Variants in PTPRA observed in about 807,000 individuals in gnomAD.
PTPRA encodes the protein receptor-type tyrosine-protein phosphatase alpha.
Under a neutral mutation model 104.8 loss-of-function variants are expected in PTPRA, and 25 were observed. That is an observed-to-expected ratio of 0.24 (90% confidence interval 0.17 to 0.33). The LOEUF is 0.33. PTPRA is among the 10% of genes least tolerant of loss of function. PTPRA has a pLI of 1.00. For missense variants in PTPRA, 765 were observed against 1,015.3 expected, an observed-to-expected ratio of 0.75 and a Z score of 3.35; for synonymous variants, 323 against 368.9, an observed-to-expected ratio of 0.88 and a Z score of 1.43.
At chr20:2,899,223 C>T (rs75592212) in intron 1 of PTPRA, among the ~76,000 whole-genome samples, 2,357 of 152,116 alleles carry the variant, frequency 0.015, 124 homozygotes, top group Admixed American at 0.09. Context: ...ATAGTCCTAG[C>T]TAGAGTGAGA....
At chr20:2,906,352 T>C (rs1008967770) in intron 1 of PTPRA, among the ~76,000 whole-genome samples, 15 of 152,174 alleles carry the variant, frequency 9.9e-5, no homozygotes, top group South Asian at 2.1e-4. Flanking sequence ...CAGAAGGAGA[T>C]AGAGGACAAG....
At position 2,963,588 on chromosome 20, in the gene PTPRA, C is replaced by A. The variant is rs6037440; in HGVS notation, c.-6-684C>A. Reference sequence around the variant, plus strand: ...CAGCCCGGGCGACAGTGCAAGACTCCGTCTCAAAAAAAAATAAAAAAGGAG... The same window carrying A: ...CAGCCCGGGCGACAGTGCAAGACTCAGTCTCAAAAAAAAATAAAAAAGGAG... On this transcript the variant is annotated intron_variant, in intron 3 of 23. Transcript: ENST00000399903. 8.6e-5 allele frequency among the ~76,000 whole-genome samples: 13 copies of A among 151,430 alleles called. 1 individual carries two copies. Among genetic ancestry groups the A allele is most frequent in the African/African-American group, 3.2e-4 (13 of 41,260 alleles).
At chr20:2,894,037 T>C (rs2058898360) in intron 1 of PTPRA, among the ~76,000 whole-genome samples, 1 of 152,244 alleles carries the variant, frequency 6.6e-6, no homozygotes, top group Admixed American at 6.5e-5. Flanking sequence ...ATGGTGGAGA[T>C]AATGACATGG....
At chr20:2,948,218 T>C (rs1380802034) in intron 3 of PTPRA, among the ~76,000 whole-genome samples, 194 bp downstream of exon 3, 1 of 152,188 alleles carries the variant, frequency 6.6e-6, no homozygotes, top group Non-Finnish European at 1.5e-5. Flanking sequence ...TATGTGTTGA[T>C]TTTTCAAGGA....
intron 1 of PTPRA, among the ~76,000 whole-genome samples, chr20:2,887,041 C>G (rs2090431369): frequency 6.6e-6 from 1 of 151,990 alleles, no homozygotes; most frequent in Non-Finnish European, 1.5e-5. Flanking sequence ...GTGCTTCTTC[C>G]TTTGGATTCA....
chr20:2,864,767 C>T, the PTPRA span: 2 of 1,246,424 alleles, frequency 1.6e-6, no homozygotes, highest in Non-Finnish European at 2.3e-6. The surrounding 1 kb of genome is among the most constrained non-coding windows in gnomAD (Gnocchi z 5.2). Context: ...ATCTGGTCCT[C>T]ACTGTGAGGG....
At chr20:2,877,131 A>C (rs949297427) in intron 1 of PTPRA, among the ~76,000 whole-genome samples, 2 of 152,196 alleles carry the variant, frequency 1.3e-5, no homozygotes, top group Non-Finnish European at 1.5e-5. Flanking sequence ...ATGGAAAAAA[A>C]TGAGATGCAG....
At chr20:2,912,381 T>C (rs1044666292) in intron 1 of PTPRA, among the ~76,000 whole-genome samples, 55 of 151,894 alleles carry the variant, frequency 3.6e-4, no homozygotes, top group African/African-American at 1.2e-3. Context: ...CCTAGCACTT[T>C]GGGAGGCCGA....
At chr20:2,949,291 G>A (rs1346725112) in intron 3 of PTPRA, among the ~76,000 whole-genome samples, 1 of 150,282 alleles carries the variant, frequency 6.7e-6, no homozygotes, top group Non-Finnish European at 1.5e-5. Flanking sequence ...ACTTCCTATG[G>A]ATTCTTGTAG....
intron 7 of PTPRA, 171 bp from the exon 8 acceptor site, chr20:2,987,861 G>A (rs973472950): frequency 2.0e-5 from 15 of 751,452 alleles, no homozygotes; most frequent in South Asian, 2.7e-5. Flanking sequence ...CGAGGTACTC[G>A]GTCACCCCAG....
At chr20:2,864,582 C>T in the PTPRA span, 1 of 1,614,012 alleles carries the variant, frequency 6.2e-7, no homozygotes, top group African/African-American at 1.3e-5. The surrounding 1 kb of genome is among the most constrained non-coding windows in gnomAD (Gnocchi z 5.2). Context: ...CGCTGAAGGA[C>T]CTTTACAATC....
intron 2 of PTPRA, among the ~76,000 whole-genome samples, chr20:2,929,919 A>G (rs1568657873): frequency 2.0e-5 from 3 of 152,188 alleles, no homozygotes; most frequent in Non-Finnish European, 4.4e-5. Flanking sequence ...AAGAAAAGGA[A>G]ATTTGTACAC....
chr20:2,898,228 C>G (rs1351513576), intron 1 of PTPRA, among the ~76,000 whole-genome samples: 1 of 151,998 alleles, frequency 6.6e-6, no homozygotes, highest in African/African-American at 2.4e-5. Context: ...TCCAGGCATG[C>G]GCCACCATGC....
At chr20:2,864,205 G>T in the PTPRA span, 1 of 1,614,186 alleles carries the variant, frequency 6.2e-7, no homozygotes, top group Non-Finnish European at 8.5e-7. The surrounding 1 kb of genome is among the most constrained non-coding windows in gnomAD (Gnocchi z 5.2). Flanking sequence ...CACGCTCAGG[G>T]GAGCAGGTAC....
Position 3,022,192 on chromosome 20 carries a change from T to C in PTPRA, c.1300T>C (p.Tyr434His), listed in dbSNP as rs778537235. 6.2e-7 allele frequency: 1 copy of C among 1,614,178 alleles called. No individual in the cohort carries two copies. The highest frequency in any genetic ancestry group is 8.5e-7 in the Non-Finnish European group (1 of 1,180,028). ...LKKVKACNPQYAGAIVVHCSA... is the reference protein window; with the variant it reads ...LKKVKACNPQHAGAIVVHCSA... ...GAAGGTGAAGGCCTGTAACCCTCAG[T>C]ATGCAGGGGCCATCGTGGTCCACTG... Residue 434 changes from tyrosine (Y) to histidine (H), a missense_variant, in exon 15 of 24, where the codon TAT (tyrosine) becomes CAT (histidine). Transcript: ENST00000399903. This position sits in a 1 kb window ranked among gnomAD's most constrained non-coding sequence, Gnocchi z 4.6.
rs769774102 is a variant in PTPRA at position 3,022,685 on chromosome 20, A to T, written c.1329-4A>T. The stretch of plus-strand genomic sequence containing the variant: ...CCCTATAACCCCCTGCTCTCTGGCT[A>T]CAGTGCAGGTGTAGGGCGTACAGGT... On this transcript the variant is annotated splice_region_variant and splice_polypyrimidine_tract_variant and intron_variant, in intron 15 of 23. Coordinates refer to ENST00000399903, the MANE Select transcript of PTPRA (RefSeq NM_001385305.1). The surrounding 1 kb of genome is among the most constrained non-coding windows in gnomAD (Gnocchi z 4.6). 1.9e-6 allele frequency: 3 copies of T among 1,614,114 alleles called. No homozygotes were observed. The highest frequency in any genetic ancestry group is 2.5e-6 in the Non-Finnish European group (3 of 1,179,980).
At chr20:2,987,818 A>T in intron 7 of PTPRA, 1 of 672,288 alleles carries the variant, frequency 1.5e-6, no homozygotes, top group African/African-American at 1.7e-5. Flanking sequence ...CCCTGGTTGG[A>T]TTCCAGTGTG....
chr20:2,888,105 C>T (rs2090478522), intron 1 of PTPRA, among the ~76,000 whole-genome samples: 1 of 152,182 alleles, frequency 6.6e-6, no homozygotes, highest in African/African-American at 2.4e-5. Flanking sequence ...GAGACTATAC[C>T]TGGGCTAGGT....
chr20:2,866,056 C>T, the PTPRA span: 5 of 676,374 alleles, frequency 7.4e-6, no homozygotes, highest in Admixed American at 7.4e-5. Context: ...GAGATCACAA[C>T]TGTCTGTGCA....
Sources: allele counts gnomAD v4.1 joint callset (sites outside exome capture counted in the v4.1 genomes callset), GRCh38; gene constraint gnomAD v4.1.1; non-coding constraint Gnocchi (gnomAD v3.1); transcripts MANE v1.5; gene names NCBI Gene and HGNC (gene_info 2026-07-23, HGNC 2026-07-21).